ATXN10: variants seen among roughly 807,000 people sequenced by gnomAD.
ATXN10 encodes the protein ataxin-10.
Under a neutral mutation model 52.9 loss-of-function variants are expected in ATXN10, and 28 were observed. The observed-to-expected ratio is 0.53, with a 90% CI of 0.39 to 0.73. ATXN10 has a LOEUF of 0.73. Among genes scored for constraint, ATXN10 ranks in the 30% least tolerant of loss-of-function variants. ATXN10 has a pLI of 0.00. For synonymous variants in ATXN10, 226 were observed against 221.5 expected, an observed-to-expected ratio of 1.02 and a Z score of -0.18; for missense variants, 565 against 577.0, an observed-to-expected ratio of 0.98 and a Z score of 0.21.
intron 2 of ATXN10, among the ~76,000 whole-genome samples, chr22:45,691,143 A>G (rs1923357675): frequency 6.6e-6 from 1 of 152,252 alleles, no homozygotes; most frequent in African/African-American, 2.4e-5. Context: ...TAATCTTGAT[A>G]ATAATAGTCT....
rs1189786318 is a variant in ATXN10, at chr22:45,774,344, C to T, written c.1174-32615C>T. 2.0e-5 allele frequency among the ~76,000 whole-genome samples: 3 copies of T among 152,212 alleles called. No homozygotes were observed. Among genetic ancestry groups the T allele is most frequent in the African/African-American group, 7.2e-5 (3 of 41,444 alleles). ...AGCCTGTCCCTACCAGTCCCTGCAT[C>T]GCTATTTTGGAGTGAGACAGATAAT... On this transcript the variant is annotated intron_variant, in intron 9 of 11. Coordinates refer to ENST00000252934, the MANE Select transcript of ATXN10 (RefSeq NM_013236.4). The surrounding 1 kb of genome is among the most constrained non-coding windows in gnomAD (Gnocchi z 6.2).
intron 5 of ATXN10, among the ~76,000 whole-genome samples, chr22:45,706,771 T>G (rs1034259119): frequency 1.3e-5 from 2 of 151,874 alleles, no homozygotes; most frequent in Non-Finnish European, 2.9e-5. Flanking sequence ...TACCTAGGCT[T>G]CTTTTATGGC....
intron 1 of ATXN10, 111 bp downstream of exon 1, chr22:45,672,290 G>GCCTC: frequency 8.8e-7 from 1 of 1,142,042 alleles, no homozygotes; most frequent in Non-Finnish European, 1.1e-6. Context: ...AGACGCGGAG[G>GCCTC]GCGAGGCCTG....
rs955286209 is a variant in ATXN10, at chr22:45,744,358, C to T, written c.1173+3820C>T. On this transcript the variant is annotated intron_variant, in intron 9 of 11. Coordinates refer to ENST00000252934, the MANE Select transcript of ATXN10 (RefSeq NM_013236.4). The surrounding 1 kb of genome is among the most constrained non-coding windows in gnomAD (Gnocchi z 4.9). ...CATCCATTGCAGTGAGTATGGTGCC[C>T]ACCTGCTGGATGGCCCTCTTACACT... 6.6e-6 allele frequency: 1 copy of T among 152,240 alleles called. No individual in the cohort carries two copies. The highest frequency in any genetic ancestry group is 6.5e-5 in the Admixed American group (1 of 15,286). 9.4% of individuals were successfully genotyped at this position (152,240 alleles called of 1,614,324 possible). A position where few individuals can be genotyped will look rare whatever the true frequency, so the allele number is the denominator to read the frequency against.
intron 5 of ATXN10, among the ~76,000 whole-genome samples, chr22:45,714,284 T>TAAAG (rs1280221255): frequency 6.6e-5 from 10 of 152,212 alleles, no homozygotes; most frequent in African/African-American, 2.4e-4. Context: ...TTGATCTTTA[T>TAAAG]CAGTGTATAG....
intron 9 of ATXN10, 191 bp downstream of exon 9, chr22:45,740,729 C>CT (rs1925491762): frequency 2.8e-6 from 1 of 353,092 alleles, no homozygotes. Context: ...CATATATATA[C>CT]ACACACACAC....
chr22:45,800,990 C>T (rs1927913478), intron 9 of ATXN10, among the ~76,000 whole-genome samples: 1 of 152,172 alleles, frequency 6.6e-6, no homozygotes, highest in Non-Finnish European at 1.5e-5. Flanking sequence ...TGCAGATGCA[C>T]TTGGCAGTTT....
Position 45,801,519 on chromosome 22 carries a change from G to A in ATXN10, c.1174-5440G>A, listed in dbSNP as rs1927930549. Among the ~76,000 whole-genome samples, 3 of 152,288 alleles carry A rather than the reference G, an allele frequency of 2.0e-5. No homozygotes were observed. In the South Asian group the frequency reaches 6.2e-4, roughly 32 times the overall value. On this transcript the variant is annotated intron_variant, in intron 9 of 11. Transcript: ENST00000252934. ...AACAAATGCAACACAAAGATCAATG[G>A]TACTATATTTTTGTGAGACTTAGAA...
intron 9 of ATXN10, among the ~76,000 whole-genome samples, chr22:45,743,066 A>G (rs1422845952): frequency 2.6e-5 from 4 of 152,236 alleles, no homozygotes; most frequent in Non-Finnish European, 5.9e-5. Context: ...AGATTGCACC[A>G]TAAGTAAATA....
intron 3 of ATXN10, among the ~76,000 whole-genome samples, chr22:45,698,923 G>C (rs1923725828): frequency 6.6e-6 from 1 of 152,142 alleles, no homozygotes; most frequent in Non-Finnish European, 1.5e-5. Flanking sequence ...CTTTCTCTGT[G>C]AGAACTTTAT....
rs1015734315 is a variant in ATXN10 at position 45,750,209 on chromosome 22, C to G, written c.1173+9671C>G. On this transcript the variant is annotated intron_variant, in intron 9 of 11. Coordinates refer to ENST00000252934, the MANE Select transcript of ATXN10 (RefSeq NM_013236.4). The surrounding 1 kb of genome is among the most constrained non-coding windows in gnomAD (Gnocchi z 4.2). The stretch of plus-strand genomic sequence containing the variant: ...TTCTGTGCTCAAGTGATCCTCCCGC[C>G]TCAGCCACCCAAGTAGCTGGTACTA... Among the ~76,000 whole-genome samples the G allele has an allele frequency of 4.6e-5, 7 of 152,132 alleles. No homozygotes were observed. Among genetic ancestry groups the G allele is most frequent in the African/African-American group, 1.7e-4 (7 of 41,414 alleles).
rs146972845 is a variant in ATXN10, at chr22:45,718,917, G to A, written c.728+424G>A. Among the ~76,000 whole-genome samples the A allele has an allele frequency of 0.019, 2,825 of 152,130 alleles. 47 individuals are homozygous for A. Among genetic ancestry groups the A allele is most frequent in the Non-Finnish European group, 0.029 (1,961 of 67,978 alleles). On this transcript the variant is annotated intron_variant, in intron 6 of 11. Coordinates refer to ENST00000252934, the MANE Select transcript of ATXN10 (RefSeq NM_013236.4). This position sits in a 1 kb window ranked among gnomAD's most constrained non-coding sequence, Gnocchi z 4.4. ...TAATTTGGACTAAAATAAAATTGACGCCCGTCCACAATGTCACAGTTACTG... is the reference window on the plus strand; with the variant it reads ...TAATTTGGACTAAAATAAAATTGACACCCGTCCACAATGTCACAGTTACTG...
At position 45,740,739 on chromosome 22, in the gene ATXN10, C is replaced by CGTGT. The variant is rs67459281; in HGVS notation, c.1173+214_1173+217dup. The CGTGT allele has an allele frequency of 7.4e-3, 2,440 of 330,712 alleles. 71 individuals are homozygous for CGTGT. Among genetic ancestry groups the CGTGT allele is most frequent in the African/African-American group, 0.051 (2,134 of 41,874 alleles). The allele number at this position is 330,712 out of a possible 1,614,324, so 20.5% of individuals were successfully genotyped here. On this transcript the variant is annotated intron_variant, in intron 9 of 11. Transcript: ENST00000252934. ...ACACACATATATATACACACACACACGTGTGTGTGTGTGTGTATATATATA... is the reference window on the plus strand; with the variant it reads ...ACACACATATATATACACACACACACGTGTGTGTGTGTGTGTGTGTATATATATA...
chr22:45,740,715 C>T (rs4133520), intron 9 of ATXN10, 177 bp downstream of exon 9: 3,416 of 258,112 alleles, frequency 0.013, 88 homozygotes, highest in South Asian at 0.025. Flanking sequence ...CACACACACA[C>T]ACACATATAT....
At chr22:45,741,650 A>C (rs138171) in intron 9 of ATXN10, among the ~76,000 whole-genome samples, 9,690 of 152,094 alleles carry the variant, frequency 0.064, 921 homozygotes, top group African/African-American at 0.21. Flanking sequence ...TCCTTCCTGA[A>C]TTTATGACCC....
chr22:45,721,344 C>T (rs866175243), intron 6 of ATXN10, among the ~76,000 whole-genome samples: 4 of 152,114 alleles, frequency 2.6e-5, no homozygotes, highest in African/African-American at 7.2e-5. Flanking sequence ...AGGACAGATG[C>T]TAGTGCTGCC....
intron 6 of ATXN10, among the ~76,000 whole-genome samples, chr22:45,719,322 T>C (rs918052126): frequency 3.3e-5 from 5 of 152,136 alleles, no homozygotes; most frequent in African/African-American, 1.2e-4. Context: ...GTATTTAGGT[T>C]TCAGTAGTTA....
At chr22:45,680,898 T>C (rs1009069297) in intron 1 of ATXN10, among the ~76,000 whole-genome samples, 1 of 152,180 alleles carries the variant, frequency 6.6e-6, no homozygotes, top group Non-Finnish European at 1.5e-5. Context: ...AAATGAAATA[T>C]GGCTCTGAGG....
chr22:45,761,458 CAGTT>C (rs1426256031), intron 9 of ATXN10, among the ~76,000 whole-genome samples: 2 of 152,188 alleles, frequency 1.3e-5, no homozygotes, highest in Non-Finnish European at 2.9e-5. Context: ...ATTGTTTTCA[CAGTT>C]AAACTTTTCT....
Sources: gnomAD v4.1 joint callset for allele counts (sites outside exome capture counted in the v4.1 genomes callset) on GRCh38, gnomAD v4.1.1 for gene constraint, Gnocchi (gnomAD v3.1) non-coding constraint, MANE v1.5 for transcripts, NCBI Gene and HGNC (gene_info 2026-07-23, HGNC 2026-07-21) for gene names.